Variants in NHSL1 observed in about 807,000 individuals in gnomAD.
NHSL1 encodes the protein NHS like 1, also known as NHS-like protein 1.
Under a neutral mutation model 95.0 loss-of-function variants are expected in NHSL1, and 48 were observed. That is an observed-to-expected ratio of 0.51 (90% CI 0.40 to 0.64). The LOEUF (loss-of-function observed/expected upper bound fraction) is 0.64, where lower values mean the gene tolerates loss of function less well. Ranked by LOEUF, NHSL1 falls within the 30% of genes least tolerant of loss-of-function variation. The pLI, the probability that NHSL1 is intolerant of heterozygous loss-of-function variation, is 0.00. For missense variants in NHSL1, 1,971 were observed against 2,077.7 expected (o/e 0.95, Z 1.00); for synonymous variants, 783 against 833.9 (o/e 0.94, Z 1.05).
rs1182022585 is a variant in NHSL1, at chr6:138,424,704, T to C, written c.4198A>G (p.Lys1400Glu). Residue 1400 changes from lysine (K) to glutamate (E), a missense_variant, in exon 8 of 8, where the codon AAG (lysine) becomes GAG (glutamate). Around this residue, in one of 3 missense-constraint regions of NHSL1, gnomAD observed 146 missense variants for 206.3 expected, o/e 0.71. Transcript: ENST00000343505. The surrounding 1 kb of genome is among the most constrained non-coding windows in gnomAD (Gnocchi z 5.9). ...CTTCTCTGAATCGACCCCACTTGCT[T>C]TGGAGAGGCCAGGCTTGGGGCAGCG... ...TGAAPSLASPKQVGSIQRSIR... is the reference protein window; with the variant it reads ...TGAAPSLASPEQVGSIQRSIR... 6.4e-7 allele frequency: 1 copy of C among 1,551,502 alleles called. No homozygotes were observed.
chr6:138,452,684 T>C (rs779527051), intron 3 of NHSL1, among the ~76,000 whole-genome samples: 2 of 152,248 alleles, frequency 1.3e-5, no homozygotes, highest in Non-Finnish European at 2.9e-5. Context: ...ACCTCTTGTG[T>C]TGACTCTTGG....
intron 1 of NHSL1, among the ~76,000 whole-genome samples, chr6:138,640,246 G>T (rs1439562907): frequency 6.6e-6 from 1 of 152,046 alleles, no homozygotes. Flanking sequence ...TTACAAAGTG[G>T]TATAGCTAGA....
chr6:138,581,262 CT>C (rs1396169773), intron 1 of NHSL1, among the ~76,000 whole-genome samples: 1 of 152,134 alleles, frequency 6.6e-6, no homozygotes, highest in Non-Finnish European at 1.5e-5. Context: ...ATTTTTTGCA[CT>C]CGTACTTTTC....
At chr6:138,425,853 G>A (rs1775227682) in intron 7 of NHSL1, among the ~76,000 whole-genome samples, 1 of 149,090 alleles carries the variant, frequency 6.7e-6, no homozygotes, top group Non-Finnish European at 1.5e-5. Context: ...AGAAAACAAA[G>A]GCGAACCCTC....
upstream of NHSL1, among the ~76,000 whole-genome samples, chr6:138,576,384 T>A (rs1366594148): frequency 1.3e-5 from 2 of 152,244 alleles, no homozygotes; most frequent in Admixed American, 6.5e-5. Flanking sequence ...GTAGCTATTT[T>A]TCTCCAAGAA....
chr6:138,594,794 A>G (rs1784279573), intron 1 of NHSL1, among the ~76,000 whole-genome samples: 1 of 152,224 alleles, frequency 6.6e-6, no homozygotes, highest in Non-Finnish European at 1.5e-5. Flanking sequence ...ACTCACTCAA[A>G]AGTGGACTTT....
At chr6:138,551,384 T>C in intron 1 of NHSL1, among the ~76,000 whole-genome samples, 1 of 152,148 alleles carries the variant, frequency 6.6e-6, no homozygotes, top group Non-Finnish European at 1.5e-5. Flanking sequence ...ATATTTCCCA[T>C]CACAGTGCTT....
At chr6:138,464,093 G>A (rs900324431) in intron 3 of NHSL1, 10 of 460,934 alleles carry the variant, frequency 2.2e-5, no homozygotes, top group Middle Eastern at 6.3e-4. Flanking sequence ...GGCCGCGCAC[G>A]AGGTCAGGTG....
At chr6:138,433,729 G>C in intron 5 of NHSL1, 49 bp from the exon 6 acceptor site, 1 of 1,465,898 alleles carries the variant, frequency 6.8e-7, no homozygotes, top group Non-Finnish European at 9.1e-7. Context: ...AAAATCCATA[G>C]TTCATCACGT....
At chr6:138,473,869 A>G (rs1778907789) in intron 2 of NHSL1, among the ~76,000 whole-genome samples, 1 of 152,138 alleles carries the variant, frequency 6.6e-6, no homozygotes, top group African/African-American at 2.4e-5. Context: ...TGCTAATGCT[A>G]TGCTTGTTTC....
At chr6:138,573,943 A>T (rs114775932), upstream of NHSL1, among the ~76,000 whole-genome samples, 4,192 of 151,600 alleles carry the variant, frequency 0.028, 167 homozygotes, top group African/African-American at 0.095. Flanking sequence ...CCATTATTTT[A>T]TTTTCTTTTT....
At chr6:138,564,168 CCTCT>C (rs924905505) in intron 1 of NHSL1, among the ~76,000 whole-genome samples, 1 of 152,098 alleles carries the variant, frequency 6.6e-6, no homozygotes, top group African/African-American at 2.4e-5. Context: ...CAAACAGAAC[CCTCT>C]CTTTTATTAC....
intron 1 of NHSL1, among the ~76,000 whole-genome samples, chr6:138,627,156 A>C (rs1030232988): frequency 2.0e-5 from 3 of 152,154 alleles, no homozygotes; most frequent in African/African-American, 7.2e-5. Flanking sequence ...AACTATGTCA[A>C]ACCTGTTCCC....
chr6:138,517,076 G>A (rs1304237900), intron 1 of NHSL1, among the ~76,000 whole-genome samples: 1 of 152,196 alleles, frequency 6.6e-6, no homozygotes, highest in Non-Finnish European at 1.5e-5. Flanking sequence ...GAAGTAAACA[G>A]TCTATCTTCT....
At chr6:138,477,554 G>A (rs1779152412) in intron 2 of NHSL1, among the ~76,000 whole-genome samples, 1 of 152,208 alleles carries the variant, frequency 6.6e-6, no homozygotes, top group Non-Finnish European at 1.5e-5. Flanking sequence ...GGTGAGCTAT[G>A]ATTGGGCTAC....
At chr6:138,451,242 C>T (rs1013916649) in intron 3 of NHSL1, among the ~76,000 whole-genome samples, 1 of 152,182 alleles carries the variant, frequency 6.6e-6, no homozygotes, top group Non-Finnish European at 1.5e-5. Context: ...CATGCACACT[C>T]GCGCCTCAGG....
At chr6:138,540,762 A>G (rs900493354) in intron 1 of NHSL1, among the ~76,000 whole-genome samples, 2 of 152,226 alleles carry the variant, frequency 1.3e-5, no homozygotes, top group African/African-American at 4.8e-5. Flanking sequence ...CTAAATCAGT[A>G]ACTTGTGAAG....
chr6:138,571,735 CCA>C lies in NHSL1; in HGVS notation c.175_176del (p.Trp59AspfsTer15), dbSNP rs1783846422. Reference sequence around the variant, plus strand: ...CTTTTCTGGGCTGGGCTCTGTATATCCAGTTTTCGTCATCCACTTCCACCTGC... The same window carrying C: ...CTTTTCTGGGCTGGGCTCTGTATATCGTTTTCGTCATCCACTTCCACCTGC... On this transcript the variant is annotated frameshift_variant, in exon 1 of 7. Transcript: ENST00000427025. LOFTEE classifies it high-confidence loss of function. 6.4e-7 allele frequency: 1 copy of C among 1,552,070 alleles called. No individual in the cohort carries two copies.
Position 138,571,960 on chromosome 6 carries a change from C to T in NHSL1, c.-49G>A, listed in dbSNP as rs1262458187. On this transcript the variant is annotated 5_prime_UTR_variant, in exon 1 of 7. Transcript: ENST00000427025. ...ACAAAGAACAGCCCAGCAAACAAAA[C>T]GCTGGGTTTTTTGCGTTGGCCCAGG... The T allele has an allele frequency of 1.6e-5, 24 of 1,516,196 alleles. No homozygotes were observed. The Admixed American group carries it at 4.5e-4, about 28-fold the overall frequency. 93.9% of individuals were successfully genotyped at this position (1,516,196 alleles called of 1,614,324 possible). A position where few individuals can be genotyped will look rare whatever the true frequency, so the allele number is the denominator to read the frequency against.
Sources: allele counts gnomAD v4.1 joint callset (sites outside exome capture counted in the v4.1 genomes callset), GRCh38; gene constraint gnomAD v4.1.1; regional missense constraint gnomAD v4.1.1; non-coding constraint Gnocchi (gnomAD v3.1); transcripts MANE v1.5; gene names NCBI Gene and HGNC (gene_info 2026-07-23, HGNC 2026-07-21).